GABRB1: variants seen among roughly 807,000 people sequenced by gnomAD.
GABRB1 encodes gamma-aminobutyric acid type A receptor subunit beta1.
A neutral mutation model predicts 51.6 loss-of-function variants in GABRB1; 17 were observed. The observed-to-expected ratio is 0.33, with a 90% CI of 0.23 to 0.49. GABRB1 has a LOEUF of 0.49. GABRB1 is among the 20% of genes least tolerant of loss of function. The probability of loss-of-function intolerance (pLI) is 0.99; values close to 1 mark genes in which losing one functional copy is unlikely to be tolerated. For synonymous variants in GABRB1, 247 were observed against 218.9 expected (o/e 1.13, Z -1.14); for missense variants, 410 against 600.6 (o/e 0.68, Z 3.32).
At chr4:47,408,063 G>A (rs1728636009) in intron 8 of GABRB1, among the ~76,000 whole-genome samples, 1 of 152,216 alleles carries the variant, frequency 6.6e-6, no homozygotes, top group African/African-American at 2.4e-5. Flanking sequence ...CTGCACCCCA[G>A]TCTGGGTGAC....
chr4:47,259,602 T>C (rs1238601162), intron 4 of GABRB1, among the ~76,000 whole-genome samples: 1 of 152,180 alleles, frequency 6.6e-6, no homozygotes, highest in Non-Finnish European at 1.5e-5. Flanking sequence ...CAACAATTTG[T>C]AATGAGGAAT....
In GABRB1 at chr4:47,309,469, A is replaced by C. The variant is rs554605420; in HGVS notation, c.462-10658A>C. Among the ~76,000 whole-genome samples, 7 of 152,282 alleles carry C rather than the reference A, an allele frequency of 4.6e-5. 1 individual carries two copies. Among genetic ancestry groups the C allele is most frequent in the Admixed American group, 4.6e-4 (7 of 15,282 alleles). The stretch of plus-strand genomic sequence containing the variant: ...CATTAGCATTCAGCACTAAGTCTAC[A>C]AAAGAGAGGAGGGAAAGAAAGCAGA... On this transcript the variant is annotated intron_variant, in intron 4 of 8. Coordinates refer to ENST00000295454, the MANE Select transcript of GABRB1 (RefSeq NM_000812.4).
At chr4:47,190,061 G>A (rs1331277236) in intron 4 of GABRB1, among the ~76,000 whole-genome samples, 2 of 151,956 alleles carry the variant, frequency 1.3e-5, no homozygotes, top group East Asian at 3.9e-4. Flanking sequence ...TCATTCTCTA[G>A]CAGGTTAAAA....
intron 1 of GABRB1, among the ~76,000 whole-genome samples, chr4:47,024,814 A>G (rs1033223517): frequency 1.3e-5 from 2 of 151,240 alleles, no homozygotes; most frequent in Non-Finnish European, 3.0e-5. Context: ...GAGTGAAAAC[A>G]TATAATGTTT....
At chr4:47,378,407 C>G (rs1340637734) in intron 5 of GABRB1, among the ~76,000 whole-genome samples, 1 of 152,190 alleles carries the variant, frequency 6.6e-6, no homozygotes, top group Non-Finnish European at 1.5e-5. Context: ...AAGCACCGCG[C>G]GCAGCCCGGG....
At chr4:47,407,868 G>C (rs1728627892) in intron 8 of GABRB1, among the ~76,000 whole-genome samples, 1 of 152,126 alleles carries the variant, frequency 6.6e-6, no homozygotes, top group South Asian at 2.1e-4. Context: ...GGAGGCTGAG[G>C]CTCACTGGAG....
chr4:47,207,437 G>C (rs1320072991), intron 4 of GABRB1, among the ~76,000 whole-genome samples: 40 of 152,010 alleles, frequency 2.6e-4, no homozygotes, highest in Non-Finnish European at 2.9e-5. Context: ...GAAAAAGTGA[G>C]TGAATCAGAA....
At chr4:47,179,706 A>C (rs1718864463) in intron 4 of GABRB1, among the ~76,000 whole-genome samples, 1 of 152,126 alleles carries the variant, frequency 6.6e-6, no homozygotes, top group Non-Finnish European at 1.5e-5. Flanking sequence ...AAATAGGACC[A>C]TATCTCAATT....
intron 4 of GABRB1, among the ~76,000 whole-genome samples, chr4:47,267,640 T>C (rs1722692022): frequency 6.6e-6 from 1 of 151,618 alleles, no homozygotes; most frequent in Non-Finnish European, 1.5e-5. Context: ...ACTGAAAATA[T>C]AAAAATTAGC....
intron 3 of GABRB1, among the ~76,000 whole-genome samples, chr4:47,042,399 ATGTG>A (rs369030962): frequency 0.28 from 26,579 of 95,214 alleles, 3,244 homozygotes; most frequent in Middle Eastern, 0.42. Flanking sequence ...GTGTACATGT[ATGTG>A]TATGTGTACA....
chr4:47,059,028 T>A (rs1262036741), intron 3 of GABRB1, among the ~76,000 whole-genome samples: 1 of 152,238 alleles, frequency 6.6e-6, no homozygotes, highest in Non-Finnish European at 1.5e-5. Context: ...AAGATTTCAA[T>A]GTCAAATTTT....
chr4:47,292,884 T>C (rs550126807), intron 4 of GABRB1, among the ~76,000 whole-genome samples: 3 of 152,196 alleles, frequency 2.0e-5, no homozygotes, highest in Admixed American at 2.0e-4. Flanking sequence ...CTCATGATAA[T>C]GTTGTTCATC....
chr4:47,131,313 C>G (rs551628190), intron 3 of GABRB1, among the ~76,000 whole-genome samples: 7 of 152,240 alleles, frequency 4.6e-5, no homozygotes, highest in African/African-American at 1.7e-4. Flanking sequence ...CACGTGCCAC[C>G]ATACCTGGCT....
At chr4:47,205,430 G>A (rs1289601817) in intron 4 of GABRB1, among the ~76,000 whole-genome samples, 1 of 152,112 alleles carries the variant, frequency 6.6e-6, no homozygotes, top group African/African-American at 2.4e-5. Context: ...TGATGTCTAA[G>A]TATTCATTCT....
chr4:47,045,864 T>C (rs146060740), intron 3 of GABRB1, among the ~76,000 whole-genome samples: 1 of 152,182 alleles, frequency 6.6e-6, no homozygotes, highest in East Asian at 1.9e-4. Context: ...ATCCTATTTA[T>C]TCAACATTTA....
chr4:47,224,377 A>C (rs886247326), intron 4 of GABRB1, among the ~76,000 whole-genome samples: 25 of 152,136 alleles, frequency 1.6e-4, no homozygotes, highest in African/African-American at 5.1e-4. Context: ...AGTAGGGGTT[A>C]ACTTCACTGC....
chr4:47,061,423 G>T (rs1726840714), intron 3 of GABRB1, among the ~76,000 whole-genome samples: 1 of 152,146 alleles, frequency 6.6e-6, no homozygotes, highest in Admixed American at 6.6e-5. Flanking sequence ...AAGAGGGCTG[G>T]TTGAGAATAT....
intron 5 of GABRB1, among the ~76,000 whole-genome samples, chr4:47,360,575 G>A (rs1373785235): frequency 6.6e-6 from 1 of 152,042 alleles, no homozygotes; most frequent in Non-Finnish European, 1.5e-5. Context: ...GGTATTTTCT[G>A]CTATGGATTT....
chr4:47,166,601 T>A (rs1718197985), intron 4 of GABRB1, among the ~76,000 whole-genome samples: 2 of 152,122 alleles, frequency 1.3e-5, no homozygotes, highest in Non-Finnish European at 2.9e-5. Context: ...ATTAGTAAGG[T>A]GTTATCAGTA....
Sources: allele counts gnomAD v4.1 joint callset (sites outside exome capture counted in the v4.1 genomes callset), GRCh38; gene constraint gnomAD v4.1.1; transcripts MANE v1.5; gene names NCBI Gene and HGNC (gene_info 2026-07-23, HGNC 2026-07-21).